FILIP1L: variants seen among roughly 807,000 people sequenced by gnomAD.
FILIP1L encodes the protein filamin A-interacting protein 1-like.
FILIP1L carries 55 observed loss-of-function variants against 96.6 expected under a neutral mutation model. The observed-to-expected ratio is 0.57, with a 90% CI of 0.46 to 0.71. FILIP1L has a LOEUF of 0.71. Among genes scored for constraint, FILIP1L ranks in the 30% least tolerant of loss-of-function variants. The pLI, the probability that FILIP1L is intolerant of heterozygous loss-of-function variation, is 0.00. For missense variants in FILIP1L, 1,304 were observed against 1,321.2 expected (o/e 0.99, Z 0.20); for synonymous variants, 467 against 473.9 (o/e 0.99, Z 0.19).
chr3:99,905,910 T>C (rs1376602432), intron 4 of FILIP1L, among the ~76,000 whole-genome samples: 1 of 152,214 alleles, frequency 6.6e-6, no homozygotes, highest in East Asian at 1.9e-4. Flanking sequence ...TTAGCCTTTC[T>C]GGCCAGGCGC....
At chr3:100,087,074 G>A (rs1440664086) in intron 1 of FILIP1L, among the ~76,000 whole-genome samples, 1 of 152,204 alleles carries the variant, frequency 6.6e-6, no homozygotes, top group African/African-American at 2.4e-5. Flanking sequence ...TCATACAGCT[G>A]TACCATAGTT....
intron 5 of FILIP1L, among the ~76,000 whole-genome samples, chr3:99,836,493 A>G (rs1942900839): frequency 6.6e-6 from 1 of 152,158 alleles, no homozygotes; most frequent in Non-Finnish European, 1.5e-5. Context: ...TGGTAGAGAA[A>G]TTGTTGATAC....
chr3:99,830,665 T>C, intron 5 of FILIP1L, 60 bp from the exon 6 acceptor site: 1 of 447,684 alleles, frequency 2.2e-6, no homozygotes, highest in Non-Finnish European at 4.5e-6. Context: ...GAAGTAGAAA[T>C]TGTTTAGGAC....
chr3:99,956,838 A>T (rs1254893429), intron 1 of FILIP1L, among the ~76,000 whole-genome samples: 1 of 152,050 alleles, frequency 6.6e-6, no homozygotes, highest in Non-Finnish European at 1.5e-5. Context: ...TTTCTCTTCC[A>T]TCTTCACATT....
chr3:99,904,580 T>C (rs1185294820), intron 4 of FILIP1L, among the ~76,000 whole-genome samples: 1 of 152,244 alleles, frequency 6.6e-6, no homozygotes, highest in Non-Finnish European at 1.5e-5. Flanking sequence ...ATAGTAAGCC[T>C]TGAGGTTTCC....
At chr3:100,068,145 T>C (rs1046231902) in intron 1 of FILIP1L, among the ~76,000 whole-genome samples, 11 of 152,242 alleles carry the variant, frequency 7.2e-5, no homozygotes, top group Admixed American at 2.6e-4. Context: ...GAAATGCACA[T>C]TTAATCAAAG....
chr3:99,937,157 C>G (rs1276496758), intron 1 of FILIP1L, among the ~76,000 whole-genome samples: 4 of 151,938 alleles, frequency 2.6e-5, no homozygotes, highest in African/African-American at 9.7e-5. Context: ...AGGCTGGTCT[C>G]GAACTCCTGA....
At chr3:99,983,450 A>ATATG (rs1553702749) in intron 1 of FILIP1L, among the ~76,000 whole-genome samples, 8 of 10,088 alleles carry the variant, frequency 7.9e-4, no homozygotes, top group African/African-American at 2.0e-3. Context: ...ATGTATGTAT[A>ATATG]TATATATATG....
chr3:100,024,153 T>G (rs2064877092), intron 1 of FILIP1L, among the ~76,000 whole-genome samples: 1 of 152,188 alleles, frequency 6.6e-6, no homozygotes, highest in Non-Finnish European at 1.5e-5. Context: ...CATGGTCGCC[T>G]ATTTCATCTG....
intron 1 of FILIP1L, among the ~76,000 whole-genome samples, chr3:100,102,015 G>A (rs540440254): frequency 5.9e-5 from 9 of 151,844 alleles, no homozygotes; most frequent in Non-Finnish European, 1.3e-4. Context: ...TAATCCAGTC[G>A]ATCATTGTTG....
chr3:99,886,752 G>A (rs1355239585), intron 4 of FILIP1L, among the ~76,000 whole-genome samples: 12 of 151,744 alleles, frequency 7.9e-5, no homozygotes, highest in African/African-American at 1.2e-4. Flanking sequence ...TTAGGAGTTC[G>A]AGACCAGCTT....
At chr3:99,895,266 C>T (rs1005593970) in intron 4 of FILIP1L, among the ~76,000 whole-genome samples, 2 of 152,112 alleles carry the variant, frequency 1.3e-5, no homozygotes, top group Admixed American at 6.5e-5. Flanking sequence ...CTTGCAGTCA[C>T]CCATGTTCAC....
chr3:100,114,031 A>C lies in FILIP1L; in HGVS notation c.-11+22T>G, dbSNP rs966042621. The C allele has an allele frequency of 6.6e-5, 10 of 152,198 alleles. No individual in the cohort carries two copies. The East Asian group carries it at 1.9e-3, about 29-fold the overall frequency. The allele number at this position is 152,198 out of a possible 1,614,324, so 9.4% of individuals were successfully genotyped here. A position where few individuals can be genotyped will look rare whatever the true frequency, so the allele number is the denominator to read the frequency against. ...AACATCCCAAAGCCTCTTCTCAGCAAGGATGGGGACACTTAGCTTACCGTG... is the reference window on the plus strand; with the variant it reads ...AACATCCCAAAGCCTCTTCTCAGCACGGATGGGGACACTTAGCTTACCGTG... On this transcript the variant is annotated intron_variant, in intron 1 of 5. Coordinates refer to ENST00000477258, the MANE Select transcript of FILIP1L (RefSeq NM_001387850.1).
chr3:99,833,354 A>G, intron 5 of FILIP1L: 2 of 1,096,734 alleles, frequency 1.8e-6, no homozygotes, highest in Non-Finnish European at 2.7e-6. Flanking sequence ...CTCAAAAGAA[A>G]CCTAGCAATC....
chr3:99,967,214 T>C (rs1051550496), intron 1 of FILIP1L, among the ~76,000 whole-genome samples: 24 of 152,232 alleles, frequency 1.6e-4, no homozygotes, highest in South Asian at 6.2e-4. Flanking sequence ...CCTCTGACTT[T>C]GAGCAAATCA....
intron 1 of FILIP1L, among the ~76,000 whole-genome samples, chr3:99,974,018 T>A (rs1308494518): frequency 6.6e-6 from 1 of 152,256 alleles, no homozygotes; most frequent in Admixed American, 6.5e-5. Flanking sequence ...AATCTGAGAC[T>A]AAGTACCAAT....
intron 1 of FILIP1L, among the ~76,000 whole-genome samples, chr3:99,958,814 A>G (rs1213638210): frequency 6.6e-6 from 1 of 152,190 alleles, no homozygotes; most frequent in African/African-American, 2.4e-5. Flanking sequence ...GGACCAGAGG[A>G]GATGTCAAAA....
At chr3:99,838,715 C>T (rs1243389713) in intron 5 of FILIP1L, among the ~76,000 whole-genome samples, 2 of 152,198 alleles carry the variant, frequency 1.3e-5, no homozygotes, top group Non-Finnish European at 2.9e-5. Context: ...TTGTGACATA[C>T]TAACAGAATG....
At chr3:99,837,254 G>T (rs775770122) in intron 5 of FILIP1L, among the ~76,000 whole-genome samples, 3 of 152,050 alleles carry the variant, frequency 2.0e-5, no homozygotes, top group Non-Finnish European at 4.4e-5. Context: ...ATAACTATCT[G>T]CCTCTTGTGT....
Sources: gnomAD v4.1 joint callset for allele counts (sites outside exome capture counted in the v4.1 genomes callset) on GRCh38, gnomAD v4.1.1 for gene constraint, MANE v1.5 for transcripts, NCBI Gene and HGNC (gene_info 2026-07-23, HGNC 2026-07-21) for gene names.